SPATS2L: variants seen among roughly 807,000 people sequenced by gnomAD.
The protein encoded by SPATS2L is spermatogenesis associated serine rich 2 like, also known as SPATS2-like protein.
SPATS2L carries 30 observed loss-of-function variants against 59.6 expected under a neutral mutation model. That is an observed-to-expected ratio of 0.50 (90% CI 0.38 to 0.68). The LOEUF is 0.68. SPATS2L is among the 30% of genes least tolerant of loss of function. SPATS2L has a pLI of 0.00. For synonymous variants in SPATS2L, 252 were observed against 263.5 expected (o/e 0.96, Z 0.42); for missense variants, 615 against 700.0 (o/e 0.88, Z 1.37).
At chr2:200,317,722 GATAGC>G (rs1295826517) in intron 1 of SPATS2L, among the ~76,000 whole-genome samples, 2 of 152,308 alleles carry the variant, frequency 1.3e-5, no homozygotes, top group Non-Finnish European at 2.9e-5. Context: ...CCTCTGCCAG[GATAGC>G]ATAACAATTA....
At chr2:200,327,864 A>ACG (rs1423070665) in intron 1 of SPATS2L, among the ~76,000 whole-genome samples, 1 of 151,920 alleles carries the variant, frequency 6.6e-6, no homozygotes, top group Non-Finnish European at 1.5e-5. Flanking sequence ...GTGCGGGCAC[A>ACG]CACACACACA....
At chr2:200,381,741 G>A (rs1053156772) in intron 2 of SPATS2L, among the ~76,000 whole-genome samples, 2 of 152,094 alleles carry the variant, frequency 1.3e-5, no homozygotes, top group African/African-American at 4.8e-5. Context: ...GACTTCCTAC[G>A]CACAAAATCA....
At chr2:200,440,043 T>G (rs1489311575) in intron 7 of SPATS2L, among the ~76,000 whole-genome samples, 1 of 152,232 alleles carries the variant, frequency 6.6e-6, no homozygotes, top group Non-Finnish European at 1.5e-5. Context: ...ATGGCCTGAT[T>G]GTGATAAGTA....
intron 9 of SPATS2L, among the ~76,000 whole-genome samples, chr2:200,466,697 G>C (rs2086629177): frequency 6.6e-6 from 1 of 152,200 alleles, no homozygotes; most frequent in African/African-American, 2.4e-5. Context: ...CTCTGGGGTA[G>C]AACTTCTGTT....
In SPATS2L at chr2:200,472,886, C is replaced by G. The variant is rs1374081652; in HGVS notation, c.1115C>G (p.Pro372Arg). ...AGAACTCCCTGCAGCTCCCTGCTGC[C>G]TCTGCTGAATGCGCACGCAGCAACC... ...SSRTPCSSLL[P>R]LLNAHAATSG... The change falls in exon 12 of 13, where the codon CCT (proline) becomes CGT (arginine). Residue 372 changes from proline (P) to arginine (R), a missense_variant. This residue lies in a region of SPATS2L where 284 missense variants were observed against 280.1 expected (regional missense o/e 1.01). Coordinates refer to ENST00000409140, the MANE Select transcript of SPATS2L (RefSeq NM_001100423.2). 6.2e-7 allele frequency: 1 copy of G among 1,613,860 alleles called. No homozygotes were observed. The highest frequency in any genetic ancestry group is 1.3e-5 in the African/African-American group (1 of 74,906).
chr2:200,397,451 A>G (rs1013870450), intron 3 of SPATS2L, among the ~76,000 whole-genome samples: 15 of 152,162 alleles, frequency 9.9e-5, no homozygotes, highest in Admixed American at 6.5e-4. Context: ...TACACTGGAA[A>G]TCTGTTCGGA....
At chr2:200,359,101 C>G (rs556073038) in intron 2 of SPATS2L, among the ~76,000 whole-genome samples, 1 of 152,240 alleles carries the variant, frequency 6.6e-6, no homozygotes, top group Admixed American at 6.5e-5. Flanking sequence ...GTTACTTACT[C>G]TAGCAAATCA....
chr2:200,465,050 C>A (rs571107590), intron 9 of SPATS2L, among the ~76,000 whole-genome samples: 132 of 152,328 alleles, frequency 8.7e-4, no homozygotes, highest in African/African-American at 2.8e-3. Context: ...ATATTGCATA[C>A]CCCTTGTGTA....
chr2:200,470,088 T>C, intron 11 of SPATS2L, 72 bp downstream of exon 11: 1 of 1,282,768 alleles, frequency 7.8e-7, no homozygotes, highest in Non-Finnish European at 1.1e-6. Flanking sequence ...CTATTGGAAA[T>C]GTCAGGTGTG....
chr2:200,377,811 G>C (rs968008659), intron 2 of SPATS2L, among the ~76,000 whole-genome samples: 1 of 152,062 alleles, frequency 6.6e-6, no homozygotes, highest in East Asian at 1.9e-4. Flanking sequence ...GTAGAACCAG[G>C]AACTGGTTTC....
intron 6 of SPATS2L, among the ~76,000 whole-genome samples, chr2:200,430,715 C>CTTTTTT (rs1179889614): frequency 1.6e-5 from 2 of 127,262 alleles, no homozygotes; most frequent in Non-Finnish European, 3.3e-5. Flanking sequence ...GAATTGTTTC[C>CTTTTTT]TTTTTTTTTT....
chr2:200,336,655 G>A (rs900443760), intron 2 of SPATS2L, among the ~76,000 whole-genome samples: 1 of 152,004 alleles, frequency 6.6e-6, no homozygotes, highest in Non-Finnish European at 1.5e-5. Flanking sequence ...ATGTGTATCC[G>A]ATACATAACA....
intron 2 of SPATS2L, among the ~76,000 whole-genome samples, chr2:200,384,596 C>A (rs1173306119): frequency 6.6e-6 from 1 of 152,204 alleles, no homozygotes; most frequent in Non-Finnish European, 1.5e-5. Flanking sequence ...TCGTGATCCA[C>A]CCACCTCGGC....
At chr2:200,376,350 T>C (rs1293854163) in intron 2 of SPATS2L, among the ~76,000 whole-genome samples, 1 of 152,230 alleles carries the variant, frequency 6.6e-6, no homozygotes, top group East Asian at 1.9e-4. Flanking sequence ...ATCCTGAGCA[T>C]ATAATAAATG....
intron 2 of SPATS2L, among the ~76,000 whole-genome samples, chr2:200,333,575 A>G (rs545925862): frequency 7.2e-4 from 109 of 152,084 alleles, no homozygotes; most frequent in Middle Eastern, 3.4e-3. Flanking sequence ...ATATGTATAC[A>G]TGTGCCATGT....
upstream of SPATS2L, chr2:200,306,294 T>A (rs2079008322): frequency 1.0e-6 from 1 of 1,002,318 alleles, no homozygotes; most frequent in Admixed American, 6.1e-5. Flanking sequence ...TTTTCTCGGG[T>A]AGGAGAAGAT....
At chr2:200,471,538 A>T (rs1437526323) in intron 11 of SPATS2L, among the ~76,000 whole-genome samples, 1 of 152,184 alleles carries the variant, frequency 6.6e-6, no homozygotes, top group African/African-American at 2.4e-5. Context: ...ATTCTGAAAG[A>T]CAGACACCGT....
chr2:200,405,404 G>T (rs1248819676), intron 3 of SPATS2L, among the ~76,000 whole-genome samples: 3 of 149,188 alleles, frequency 2.0e-5, no homozygotes, highest in African/African-American at 7.4e-5. Context: ...AGTTAGTTTT[G>T]ATTTGTACCC....
intron 3 of SPATS2L, chr2:200,389,504 T>C (rs566064956): frequency 2.2e-6 from 1 of 457,566 alleles, no homozygotes; most frequent in East Asian, 3.6e-5. Context: ...CTCTTGACCA[T>C]AACCCCATAA....
Sources: allele counts gnomAD v4.1 joint callset (sites outside exome capture counted in the v4.1 genomes callset), GRCh38; gene constraint gnomAD v4.1.1; regional missense constraint gnomAD v4.1.1; transcripts MANE v1.5; gene names NCBI Gene and HGNC (gene_info 2026-07-23, HGNC 2026-07-21).